Variants in MECOM observed in about 807,000 individuals in gnomAD.
MECOM encodes histone-lysine N-methyltransferase MECOM.
Under a neutral mutation model 116.3 loss-of-function variants are expected in MECOM, and 13 were observed. The observed-to-expected ratio is 0.11, with a 90% confidence interval of 0.07 to 0.18. The LOEUF is 0.18. Among genes scored for constraint, MECOM ranks in the 10% least tolerant of loss-of-function variants. The pLI, the probability that MECOM is intolerant of heterozygous loss-of-function variation, is 1.00. For synonymous variants in MECOM, 528 were observed against 535.2 expected (o/e 0.99, Z 0.19); for missense variants, 1,299 against 1,509.0 (o/e 0.86, Z 2.31).
At chr3:169,518,213 C>T (rs984520927) in intron 1 of MECOM, among the ~76,000 whole-genome samples, 1 of 151,202 alleles carries the variant, frequency 6.6e-6, no homozygotes, top group Non-Finnish European at 1.5e-5. Flanking sequence ...GAGCCGAGAT[C>T]GCACCACTGC....
intron 1 of MECOM, among the ~76,000 whole-genome samples, chr3:169,596,459 T>C (rs1271918170): frequency 1.3e-5 from 2 of 152,182 alleles, no homozygotes; most frequent in Non-Finnish European, 2.9e-5. Context: ...TATAATTGCA[T>C]CTCTACCTGA....
chr3:169,444,206 A>G (rs1456854043), intron 1 of MECOM, among the ~76,000 whole-genome samples: 1 of 152,170 alleles, frequency 6.6e-6, no homozygotes, highest in Non-Finnish European at 1.5e-5. Context: ...ATCAAGGAAG[A>G]TACCTGAAAG....
intron 1 of MECOM, among the ~76,000 whole-genome samples, chr3:169,436,391 C>T (rs1000369526): frequency 6.6e-6 from 1 of 151,998 alleles, no homozygotes; most frequent in South Asian, 2.1e-4. Flanking sequence ...GTTAGTATTA[C>T]GGGCATGCGC....
intron 9 of MECOM, among the ~76,000 whole-genome samples, chr3:169,111,318 T>C (rs1487959467): frequency 6.6e-6 from 1 of 152,186 alleles, no homozygotes; most frequent in Non-Finnish European, 1.5e-5. Context: ...ATCACTTGAC[T>C]ACTGTAATTA....
At chr3:169,383,465 C>A (rs1732809616) in intron 1 of MECOM, among the ~76,000 whole-genome samples, 1 of 152,168 alleles carries the variant, frequency 6.6e-6, no homozygotes. Context: ...TTTAAAATAA[C>A]ATAGCCATTT....
At chr3:169,656,779 A>G (rs969186539) in intron 1 of MECOM, among the ~76,000 whole-genome samples, 1 of 152,210 alleles carries the variant, frequency 6.6e-6, no homozygotes, top group East Asian at 1.9e-4. Context: ...ATACACATAA[A>G]TTAGAGTAAA....
chr3:169,309,824 T>G (rs1196890055), intron 2 of MECOM, among the ~76,000 whole-genome samples: 1 of 152,168 alleles, frequency 6.6e-6, no homozygotes, highest in African/African-American at 2.4e-5. Context: ...GTCGCCACCT[T>G]GAGCCTCAGT....
chr3:169,174,074 T>A (rs1381742810), intron 2 of MECOM, among the ~76,000 whole-genome samples: 1 of 152,212 alleles, frequency 6.6e-6, no homozygotes, highest in Non-Finnish European at 1.5e-5. Context: ...TAACTCATGC[T>A]TATCATTTTA....
intron 2 of MECOM, among the ~76,000 whole-genome samples, chr3:169,195,060 A>G (rs983882916): frequency 8.5e-5 from 13 of 152,074 alleles, no homozygotes; most frequent in Non-Finnish European, 1.9e-4. Flanking sequence ...CCACATCTAC[A>G]TAATAAGAAC....
intron 1 of MECOM, among the ~76,000 whole-genome samples, chr3:169,624,663 T>C (rs1284497776): frequency 6.6e-6 from 1 of 152,152 alleles, no homozygotes; most frequent in African/African-American, 2.4e-5. Flanking sequence ...GAGACAGCCA[T>C]TTAGAAAAGA....
At chr3:169,480,445 G>C (rs1338870340) in intron 1 of MECOM, among the ~76,000 whole-genome samples, 1 of 152,048 alleles carries the variant, frequency 6.6e-6, no homozygotes, top group Non-Finnish European at 1.5e-5. Flanking sequence ...TCAGTCCACT[G>C]CTCCCCCAAC....
At chr3:169,347,854 T>C (rs927759208) in intron 2 of MECOM, among the ~76,000 whole-genome samples, 2 of 152,030 alleles carry the variant, frequency 1.3e-5, no homozygotes, top group African/African-American at 4.8e-5. Context: ...GTTGACTGAC[T>C]GACAAGCCCC....
chr3:169,484,518 A>G (rs918824341), intron 1 of MECOM, among the ~76,000 whole-genome samples: 10 of 152,234 alleles, frequency 6.6e-5, no homozygotes, highest in Middle Eastern at 3.2e-3. Context: ...CTTAAACATC[A>G]TAAATATTCT....
chr3:169,387,516 A>G (rs559935436), intron 1 of MECOM, among the ~76,000 whole-genome samples: 1 of 152,334 alleles, frequency 6.6e-6, no homozygotes, highest in Admixed American at 6.5e-5. Context: ...CAGCATTATC[A>G]TTAGTGATAG....
intron 16 of MECOM, among the ~76,000 whole-genome samples, chr3:169,086,980 AATG>A (rs1464539774): frequency 6.6e-6 from 1 of 152,176 alleles, no homozygotes; most frequent in Admixed American, 6.5e-5. Context: ...TGAACGAATG[AATG>A]ATATTATGAA....
At chr3:169,508,494 A>T (rs1402273901) in intron 1 of MECOM, among the ~76,000 whole-genome samples, 1 of 150,648 alleles carries the variant, frequency 6.6e-6, no homozygotes, top group African/African-American at 2.5e-5. Context: ...AATACAAAAG[A>T]AGAGTAAACA....
intron 1 of MECOM, among the ~76,000 whole-genome samples, chr3:169,431,533 A>AG (rs776811014): frequency 7.2e-5 from 11 of 152,200 alleles, no homozygotes; most frequent in Non-Finnish European, 1.2e-4. Context: ...AAGAAAAAAA[A>AG]GCCCTTATTT....
chr3:169,195,160 C>T (rs1385850664), intron 2 of MECOM, among the ~76,000 whole-genome samples: 1 of 151,990 alleles, frequency 6.6e-6, no homozygotes, highest in Non-Finnish European at 1.5e-5. Flanking sequence ...AACAAATATA[C>T]CTATTTTAGC....
At chr3:169,269,633 C>G (rs1297232259) in intron 2 of MECOM, among the ~76,000 whole-genome samples, 1 of 152,154 alleles carries the variant, frequency 6.6e-6, no homozygotes, top group Admixed American at 6.5e-5. Flanking sequence ...TGTTGGCCTC[C>G]TGCTCAATAA....
Sources: gnomAD v4.1 joint callset for allele counts (sites outside exome capture counted in the v4.1 genomes callset) on GRCh38, gnomAD v4.1.1 for gene constraint, MANE v1.5 for transcripts, NCBI Gene and HGNC (gene_info 2026-07-23, HGNC 2026-07-21) for gene names.